Variants in LOC128706665 observed in about 807,000 individuals in gnomAD.
the LOC128706665 span, among the ~76,000 whole-genome samples, chr20:10,426,423 T>G: frequency 6.6e-6 from 1 of 152,240 alleles, no homozygotes; most frequent in African/African-American, 2.4e-5. Context: ...TTTTTCTTTT[T>G]TTGGGACAGT....
chr20:10,420,465 G>C, the LOC128706665 span: 5 of 152,334 alleles, frequency 3.3e-5, 1 homozygote, highest in Admixed American at 3.3e-4. Flanking sequence ...AGATCTAAAA[G>C]ATTGAGTTTC....
the LOC128706665 span, chr20:10,420,854 C>CT: frequency 6.6e-6 from 1 of 152,208 alleles, no homozygotes; most frequent in Non-Finnish European, 1.5e-5. Flanking sequence ...ATGCTGTACT[C>CT]TAACAAATGC....
the LOC128706665 span, among the ~76,000 whole-genome samples, chr20:10,428,352 G>A: frequency 6.6e-6 from 1 of 152,184 alleles, no homozygotes; most frequent in East Asian, 1.9e-4. Flanking sequence ...TAGTGCTACA[G>A]CAAACACTTT....
chr20:10,416,106 G>A, the LOC128706665 span, among the ~76,000 whole-genome samples: 1 of 152,206 alleles, frequency 6.6e-6, no homozygotes, highest in South Asian at 2.1e-4. Flanking sequence ...GTTACCATTA[G>A]ACGAATGGTC....
chr20:10,428,129 C>T, the LOC128706665 span, among the ~76,000 whole-genome samples: 2 of 152,204 alleles, frequency 1.3e-5, no homozygotes, highest in Admixed American at 1.3e-4. Context: ...AAGTGATTAA[C>T]AACTAATGAG....
chr20:10,428,126 TAAC>T, the LOC128706665 span, among the ~76,000 whole-genome samples: 1 of 152,228 alleles, frequency 6.6e-6, no homozygotes, highest in African/African-American at 2.4e-5. Context: ...AGCAAGTGAT[TAAC>T]AACTAATGAG....
chr20:10,430,770 A>G, the LOC128706665 span, among the ~76,000 whole-genome samples: 1 of 152,258 alleles, frequency 6.6e-6, no homozygotes, highest in African/African-American at 2.4e-5. Flanking sequence ...AAACTGATAC[A>G]GAGCAAAGAA....
the LOC128706665 span, among the ~76,000 whole-genome samples, chr20:10,417,764 A>G: frequency 2.0e-5 from 3 of 152,342 alleles, no homozygotes; most frequent in African/African-American, 7.2e-5. Context: ...AGTACCATCC[A>G]TGAAGTATTC....
the LOC128706665 span, among the ~76,000 whole-genome samples, chr20:10,428,835 C>A: frequency 9.3e-6 from 1 of 107,960 alleles, no homozygotes; most frequent in African/African-American, 3.4e-5. Flanking sequence ...CAGAGCAAGA[C>A]TCCGTCTCAA....
the LOC128706665 span, among the ~76,000 whole-genome samples, chr20:10,432,817 C>G: frequency 3.2e-5 from 3 of 94,862 alleles, no homozygotes; most frequent in Non-Finnish European, 7.7e-5. Context: ...AAAAAAAAAT[C>G]GTGTAGTTTT....
the LOC128706665 span, among the ~76,000 whole-genome samples, chr20:10,415,214 T>C: frequency 6.6e-6 from 1 of 152,298 alleles, no homozygotes; most frequent in Non-Finnish European, 1.5e-5. Context: ...TTTAAAGGTA[T>C]ATTATTCGTT....
the LOC128706665 span, among the ~76,000 whole-genome samples, chr20:10,416,464 GACA>G: frequency 2.0e-5 from 3 of 151,812 alleles, no homozygotes; most frequent in East Asian, 5.8e-4. Context: ...TCCAAAATGG[GACA>G]ACTTTAGCAT....
the LOC128706665 span, among the ~76,000 whole-genome samples, chr20:10,419,117 G>A: frequency 2.0e-5 from 3 of 152,056 alleles, no homozygotes; most frequent in Non-Finnish European, 4.4e-5. Flanking sequence ...TCAGACCAAG[G>A]CTTATAAATA....
At chr20:10,426,949 G>A in the LOC128706665 span, among the ~76,000 whole-genome samples, 3 of 150,596 alleles carry the variant, frequency 2.0e-5, no homozygotes, top group African/African-American at 7.3e-5. Flanking sequence ...AACAGAAGAG[G>A]GAGAACTTGC....
chr20:10,423,208 G>A, the LOC128706665 span, among the ~76,000 whole-genome samples: 8 of 152,086 alleles, frequency 5.3e-5, no homozygotes, highest in Non-Finnish European at 4.4e-5. Flanking sequence ...GGAGCCTGAG[G>A]TGGGCGGATC....
chr20:10,415,830 C>T, the LOC128706665 span, among the ~76,000 whole-genome samples: 1 of 152,174 alleles, frequency 6.6e-6, no homozygotes, highest in East Asian at 1.9e-4. Flanking sequence ...AGTAGTGAGA[C>T]CAGTACACAT....
the LOC128706665 span, among the ~76,000 whole-genome samples, chr20:10,427,086 A>G: frequency 1.3e-5 from 2 of 151,154 alleles, no homozygotes; most frequent in African/African-American, 2.4e-5. Flanking sequence ...ACACAAAGTA[A>G]GGTTAAGGGC....
At chr20:10,420,568 T>C in the LOC128706665 span, 2 of 152,230 alleles carry the variant, frequency 1.3e-5, no homozygotes, top group Non-Finnish European at 2.9e-5. Flanking sequence ...GATTTGGCTC[T>C]TCTGAAGATT....
chr20:10,414,366 A>C, the LOC128706665 span, among the ~76,000 whole-genome samples: 3 of 151,022 alleles, frequency 2.0e-5, no homozygotes, highest in South Asian at 6.3e-4. Flanking sequence ...CCTGGGTTCA[A>C]GCAATTCTCC....
Sources: allele counts gnomAD v4.1 joint callset (sites outside exome capture counted in the v4.1 genomes callset), GRCh38; gene constraint gnomAD v4.1.1; transcripts MANE v1.5.